Variants in ERMP1 observed in about 807,000 individuals in gnomAD.
The protein encoded by ERMP1 is Felix-ina.
Under a neutral mutation model 92.0 loss-of-function variants are expected in ERMP1, and 86 were observed. That is an observed-to-expected ratio of 0.93 (90% CI 0.79 to 1.12). The LOEUF (loss-of-function observed/expected upper bound fraction) is 1.12. ERMP1 is among the 50% of genes most tolerant of loss of function. ERMP1 has a pLI of 0.00. For synonymous variants in ERMP1, 530 were observed against 412.8 expected, an observed-to-expected ratio of 1.28 and a Z score of -3.44; for missense variants, 1,342 against 1,116.3, an observed-to-expected ratio of 1.20 and a Z score of -2.88.
intron 6 of ERMP1, among the ~76,000 whole-genome samples, chr9:5,848,776 A>G (rs1830270146): frequency 6.6e-6 from 1 of 152,156 alleles, no homozygotes; most frequent in East Asian, 1.9e-4. Flanking sequence ...AGAGACTGCA[A>G]AGTTTATTTG....
chr9:5,860,856 T>G (rs545847950), intron 5 of ERMP1, among the ~76,000 whole-genome samples: 32 of 152,006 alleles, frequency 2.1e-4, no homozygotes, highest in Non-Finnish European at 4.4e-4. Flanking sequence ...ATCATGATAA[T>G]GGATTACTAT....
chr9:5,854,988 G>A (rs1436136941), intron 6 of ERMP1, among the ~76,000 whole-genome samples: 2 of 152,138 alleles, frequency 1.3e-5, no homozygotes, highest in Non-Finnish European at 2.9e-5. Context: ...ATCAATCCAT[G>A]AGAGTTCAGA....
At chr9:5,862,972 A>C (rs1277141015) in intron 5 of ERMP1, among the ~76,000 whole-genome samples, 1 of 152,216 alleles carries the variant, frequency 6.6e-6, no homozygotes, top group African/African-American at 2.4e-5. Context: ...AGAGGAAGAG[A>C]CTAAAACATC....
chr9:5,791,952 G>C (rs1828215241), intron 13 of ERMP1, among the ~76,000 whole-genome samples: 1 of 152,200 alleles, frequency 6.6e-6, no homozygotes, highest in Non-Finnish European at 1.5e-5. Flanking sequence ...GGAGGAAGAA[G>C]TGGGAGGATG....
intron 13 of ERMP1, among the ~76,000 whole-genome samples, chr9:5,795,643 T>G (rs1828393476): frequency 2.6e-5 from 4 of 152,080 alleles, no homozygotes; most frequent in Admixed American, 2.6e-4. Context: ...CCAGGTGTGG[T>G]GGCGGGTGCC....
intron 8 of ERMP1, among the ~76,000 whole-genome samples, chr9:5,808,322 C>T (rs1445418794): frequency 1.3e-5 from 2 of 152,214 alleles, no homozygotes; most frequent in South Asian, 2.1e-4. Flanking sequence ...TAGTTAGCCA[C>T]ACTCTGATTA....
At position 5,805,202 on chromosome 9, in the gene ERMP1, A is replaced by T. The variant is rs1036487068; in HGVS notation, c.1739T>A (p.Phe580Tyr). The change falls in exon 10 of 15, where the codon TTT becomes TAT. Residue 580 changes from phenylalanine (F) to tyrosine (Y), a missense_variant. Transcript: ENST00000339450. ...CATCCCCAAAAGGTAAAAAGCAATA[A>T]ATTTTCCTTGGGCACCTAGGGAAAA... ...DFKQHGAQGKFIAFYLLGMFI... is the reference protein window; with the variant it reads ...DFKQHGAQGKYIAFYLLGMFI... 4 of 1,606,092 alleles carry T rather than the reference A, an allele frequency of 2.5e-6. No homozygotes were observed. In the East Asian group the frequency reaches 6.7e-5, roughly 27 times the overall value.
rs1280994200 is a variant in ERMP1 at position 5,798,919 on chromosome 9, A to C, written c.2157T>G (p.Ile719Met). 6.2e-7 allele frequency: 1 copy of C among 1,612,896 alleles called. No homozygotes were observed. The highest frequency in any genetic ancestry group is 1.3e-5 in the African/African-American group (1 of 75,032). ...IWINGFDYTG[I>M]SHITPHIPEI... ...CAGGAATGTGAGGGGTTATGTGAGAAATTCCAGTATAATCAAACCCATTGA... is the reference window on the plus strand; with the variant it reads ...CAGGAATGTGAGGGGTTATGTGAGACATTCCAGTATAATCAAACCCATTGA... The change falls in exon 12 of 15, where the codon ATT (isoleucine) becomes ATG (methionine). Residue 719 changes from isoleucine (I) to methionine (M), a missense_variant. By Grantham distance (10) the Ile-to-Met change is conservative (BLOSUM62 1). Transcript: ENST00000339450.
intron 6 of ERMP1, among the ~76,000 whole-genome samples, chr9:5,851,029 A>G (rs969408313): frequency 1.2e-4 from 19 of 152,198 alleles, no homozygotes; most frequent in African/African-American, 4.6e-4. Flanking sequence ...ACTTATTCCC[A>G]AAGATCTCAC....
rs762922086 is a variant in ERMP1, at chr9:5,832,798, AG to A, written c.229del (p.Leu77SerfsTer5). ...GLSEVRAALGLALYLIALRTL... is the reference protein window; with the variant it reads ...GLSEVRAALGXALYLIALRTL... ...CCGCAGCGCGATCAGGTAGAGCGCGAGCCCCAGCGCGGCGCGCACCTCAGAC... is the reference window on the plus strand; with the variant it reads ...CCGCAGCGCGATCAGGTAGAGCGCGACCCCAGCGCGGCGCGCACCTCAGAC... On this transcript the variant is annotated frameshift_variant, in exon 1 of 15. Coordinates refer to ENST00000339450, the MANE Select transcript of ERMP1 (RefSeq NM_024896.3). LOFTEE classifies it high-confidence loss of function. 8.7e-6 allele frequency: 13 copies of A among 1,501,932 alleles called. No homozygotes were observed. The highest frequency in any genetic ancestry group is 1.8e-6 in the Non-Finnish European group (2 of 1,133,668). The allele number at this position is 1,501,932 out of a possible 1,614,324, so 93.0% of individuals were successfully genotyped here. A position where few individuals can be genotyped will look rare whatever the true frequency, so the allele number is the denominator to read the frequency against.
Position 5,810,010 on chromosome 9 carries a change from C to T in ERMP1, c.1548+1G>A. 6.3e-7 allele frequency: 1 copy of T among 1,575,766 alleles called. No homozygotes were observed. The highest frequency in any genetic ancestry group is 8.7e-7 in the Non-Finnish European group (1 of 1,146,418). On this transcript the variant is annotated splice_donor_variant, in intron 8 of 14. Coordinates refer to ENST00000339450, the MANE Select transcript of ERMP1 (RefSeq NM_024896.3). LOFTEE classifies it high-confidence loss of function. Reference sequence around the variant, plus strand: ...AATCAACAAATATACCAAACACTTACCATGTAATAAAATCTTTTCGCAAGA... The same window carrying T: ...AATCAACAAATATACCAAACACTTATCATGTAATAAAATCTTTTCGCAAGA...
At chr9:5,846,735 G>A (rs1227624653) in intron 6 of ERMP1, among the ~76,000 whole-genome samples, 3 of 152,152 alleles carry the variant, frequency 2.0e-5, no homozygotes, top group Non-Finnish European at 4.4e-5. Context: ...TATCCCTGTG[G>A]TTCAACATTA....
chr9:5,792,038 T>TA (rs998710243), intron 13 of ERMP1, among the ~76,000 whole-genome samples: 9 of 151,840 alleles, frequency 5.9e-5, no homozygotes, highest in African/African-American at 2.2e-4. Flanking sequence ...AAGAGAAGGG[T>TA]AGAGTCTGGG....
In ERMP1 at chr9:5,830,810, A is replaced by G; in HGVS notation, c.557T>C (p.Val186Ala). 2 of 1,614,134 alleles carry G rather than the reference A, an allele frequency of 1.2e-6. No homozygotes were observed. Among genetic ancestry groups the G allele is most frequent in the African/African-American group, 2.7e-5 (2 of 75,044 alleles). The change falls in exon 2 of 15, where the codon GTT (valine) becomes GCT (alanine). Residue 186 changes from valine (V) to alanine (A), a missense_variant. Val to Ala is a moderately conservative substitution (Grantham distance 64). Coordinates refer to ENST00000339450, the MANE Select transcript of ERMP1 (RefSeq NM_024896.3). ...FTSYYDNITN[V>A]VVKLEPRDGA... is the part of the protein sequence containing the mutation. The stretch of plus-strand genomic sequence containing the variant: ...ATCTCTGGGTTCCAGCTTTACCACA[A>G]CATTGGTGATGTTGTCATAATAGCT...
intron 10 of ERMP1, 40 bp downstream of exon 10, chr9:5,804,987 T>TA (rs751727147): frequency 2.7e-6 from 4 of 1,472,804 alleles, no homozygotes; most frequent in South Asian, 1.2e-5. Context: ...CATATTCATA[T>TA]AAAAAATGAA....
At chr9:5,846,226 T>A (rs1292400823) in intron 6 of ERMP1, among the ~76,000 whole-genome samples, 1 of 152,166 alleles carries the variant, frequency 6.6e-6, no homozygotes, top group Non-Finnish European at 1.5e-5. Flanking sequence ...AAAAGCAGCC[T>A]GCATCCATGT....
intron 4 of ERMP1, among the ~76,000 whole-genome samples, chr9:5,814,938 G>GA (rs1829244570): frequency 6.6e-6 from 1 of 151,918 alleles, no homozygotes; most frequent in Non-Finnish European, 1.5e-5. Context: ...ATCCTAGAAT[G>GA]AAAAAACATA....
chr9:5,838,332 A>C (rs562951665), intron 6 of ERMP1, among the ~76,000 whole-genome samples: 68 of 152,200 alleles, frequency 4.5e-4, no homozygotes, highest in African/African-American at 1.6e-3. Flanking sequence ...ACTTGAGTCC[A>C]GGAGTTTGAG....
intron 6 of ERMP1, among the ~76,000 whole-genome samples, chr9:5,839,068 T>A (rs1830126434): frequency 6.6e-6 from 1 of 152,174 alleles, no homozygotes; most frequent in South Asian, 2.1e-4. Flanking sequence ...GAAGGCAGTT[T>A]ATAAATTGAT....
Sources: allele counts gnomAD v4.1 joint callset (sites outside exome capture counted in the v4.1 genomes callset), GRCh38; gene constraint gnomAD v4.1.1; transcripts MANE v1.5; gene names NCBI Gene and HGNC (gene_info 2026-07-23, HGNC 2026-07-21).